Variants in CDKL5 observed in about 807,000 individuals in gnomAD.
The protein encoded by CDKL5 is cyclin dependent kinase like 5.
Under a neutral mutation model 61.7 loss-of-function variants are expected in CDKL5, and 8 were observed. That is an observed-to-expected ratio of 0.13 (90% confidence interval 0.08 to 0.23). The LOEUF is 0.23. CDKL5 is among the 10% of genes least tolerant of loss of function. The pLI, the probability that CDKL5 is intolerant of heterozygous loss-of-function variation, is 1.00. For missense variants in CDKL5, 440 were observed against 734.5 expected, an observed-to-expected ratio of 0.60 and a Z score of 4.63; for synonymous variants, 275 against 272.3, an observed-to-expected ratio of 1.01 and a Z score of -0.10.
intron 20 of CDKL5, among the ~76,000 whole-genome samples, chrX:18,648,887 G>C (rs1454308440): frequency 6.4e-5 from 7 of 109,628 alleles, no homozygotes; most frequent in Admixed American, 9.7e-5. Flanking sequence ...GACCAGCCTG[G>C]GGCAACATAG....
chrX:18,573,956 C>T (rs1245096849), intron 4 of CDKL5, among the ~76,000 whole-genome samples: 2 of 111,576 alleles, frequency 1.8e-5, no homozygotes. Flanking sequence ...CCTGGGTCTG[C>T]ATTTAGAATC....
At chrX:18,447,293 C>T (rs899675875) in intron 1 of CDKL5, among the ~76,000 whole-genome samples, 3 of 111,167 alleles carry the variant, frequency 2.7e-5, no homozygotes, top group Non-Finnish European at 5.7e-5. Context: ...TTGACTCCTT[C>T]GTTTTTCTCT....
chrX:18,441,066 G>A (rs1451694795), intron 1 of CDKL5, among the ~76,000 whole-genome samples: 2 of 111,300 alleles, frequency 1.8e-5, no homozygotes, highest in Non-Finnish European at 1.9e-5. Flanking sequence ...AGGTGGCAGT[G>A]AGGGTCTGTG....
intron 1 of CDKL5, among the ~76,000 whole-genome samples, chrX:18,463,989 C>T (rs1482300848): frequency 9.1e-6 from 1 of 109,767 alleles, no homozygotes; most frequent in East Asian, 2.8e-4. Context: ...AATATACCAT[C>T]TTCTTAAGTA....
chrX:18,570,916 C>T (rs890052716), intron 4 of CDKL5, among the ~76,000 whole-genome samples: 2 of 111,154 alleles, frequency 1.8e-5, no homozygotes, highest in African/African-American at 3.3e-5. Flanking sequence ...CTTTTTCCAC[C>T]CTGCCATTTT....
chrX:18,598,748 A>G, intron 11 of CDKL5, 135 bp downstream of exon 11: 1 of 613,997 alleles, frequency 1.6e-6, no homozygotes, highest in East Asian at 3.5e-5. Flanking sequence ...CCTTATGCTT[A>G]TTGCATGATT....
chrX:18,573,651 C>T (rs188670778), intron 4 of CDKL5, among the ~76,000 whole-genome samples: 2 of 112,524 alleles, frequency 1.8e-5, no homozygotes, highest in East Asian at 5.6e-4. Context: ...CCAGGTAATT[C>T]GCTGCTTATG....
At chrX:18,613,045 A>C in intron 14 of CDKL5, 107 bp from the exon 15 acceptor site, 1 of 665,074 alleles carries the variant, frequency 1.5e-6, no homozygotes, top group South Asian at 2.5e-5. Flanking sequence ...CACTGAGCCG[A>C]GATCACGCCA....
intron 1 of CDKL5, among the ~76,000 whole-genome samples, chrX:18,425,973 G>C (rs1286206509): frequency 8.9e-6 from 1 of 112,253 alleles, no homozygotes; most frequent in Admixed American, 9.2e-5. Flanking sequence ...GTGTGAAAGA[G>C]GGGCGGCGGG....
chrX:18,432,133 C>G (rs778395851), intron 1 of CDKL5, among the ~76,000 whole-genome samples: 23 of 100,873 alleles, frequency 2.3e-4, no homozygotes, highest in African/African-American at 8.4e-4. Context: ...GAGGCTCGCT[C>G]TGTCACCCAG....
chrX:18,634,851 T>G lies in CDKL5; in HGVS notation c.*6094T>G, dbSNP rs991531468. The stretch of plus-strand genomic sequence containing the variant: ...TATACTTAGCTAACTATTCAGAGCT[T>G]CTTCAATCTCTAGTAAGCTTGAAGG... On this transcript the variant is annotated 3_prime_UTR_variant, in exon 18 of 18. Coordinates refer to ENST00000623535, the MANE Select transcript of CDKL5 (RefSeq NM_001323289.2). 1.3e-6 allele frequency: 1 copy of G among 746,279 alleles called. No homozygotes were observed. The highest frequency in any genetic ancestry group is 2.4e-5 in the African/African-American group (1 of 42,135). The allele number at this position is 746,279 out of a possible 1,213,427, so 61.5% of individuals were successfully genotyped here.
At chrX:18,470,503 C>T (rs2147063916) in intron 1 of CDKL5, among the ~76,000 whole-genome samples, 1 of 110,689 alleles carries the variant, frequency 9.0e-6, no homozygotes, top group East Asian at 2.9e-4. Flanking sequence ...CCCATTCTGT[C>T]AGTACTGCTG....
At chrX:18,608,473 T>G in intron 12 of CDKL5, among the ~76,000 whole-genome samples, 1 of 111,883 alleles carries the variant, frequency 8.9e-6, no homozygotes, top group South Asian at 3.7e-4. Context: ...TCAGATAAAC[T>G]AATAGAATTC....
At chrX:18,523,200 C>T (rs959980861) in intron 3 of CDKL5, among the ~76,000 whole-genome samples, 7 of 111,490 alleles carry the variant, frequency 6.3e-5, no homozygotes, top group Admixed American at 1.9e-4. Context: ...CACGGTGTTA[C>T]GTAACCATCA....
intron 14 of CDKL5, among the ~76,000 whole-genome samples, chrX:18,611,095 T>G (rs754832654): frequency 1.8e-5 from 2 of 111,661 alleles, no homozygotes; most frequent in South Asian, 7.5e-4. Flanking sequence ...AGGTATTGAT[T>G]GAATATGCCA....
At chrX:18,467,222 A>C (rs775668648) in intron 1 of CDKL5, among the ~76,000 whole-genome samples, 60 of 110,890 alleles carry the variant, frequency 5.4e-4, no homozygotes, top group African/African-American at 1.9e-3. Flanking sequence ...CAGCAGATTC[A>C]TTCATTATCT....
chrX:18,609,192 A>G (rs1926460237), intron 13 of CDKL5, among the ~76,000 whole-genome samples: 1 of 111,213 alleles, frequency 9.0e-6, no homozygotes, highest in Non-Finnish European at 1.9e-5. Flanking sequence ...CAGGAGTTCA[A>G]GACCAGCCTG....
chrX:18,485,314 C>T (rs1433828529), intron 1 of CDKL5, among the ~76,000 whole-genome samples: 2 of 110,942 alleles, frequency 1.8e-5, no homozygotes, highest in African/African-American at 6.6e-5. Flanking sequence ...TCATTTTGTG[C>T]CTGGCCTCTA....
chrX:18,643,895 TCAATCCACAAA>T (rs1927673580), downstream of CDKL5, among the ~76,000 whole-genome samples: 1 of 111,321 alleles, frequency 9.0e-6, no homozygotes, highest in Non-Finnish European at 1.9e-5. Flanking sequence ...GACTTCTGTC[TCAATCCACAAA>T]GATTAATAGG....
Sources: allele counts gnomAD v4.1 joint callset (sites outside exome capture counted in the v4.1 genomes callset), GRCh38; gene constraint gnomAD v4.1.1; transcripts MANE v1.5; gene names NCBI Gene and HGNC (gene_info 2026-07-23, HGNC 2026-07-21).